Variants in NMNAT2 observed in about 807,000 individuals in gnomAD.
NMNAT2 encodes nicotinamide nucleotide adenylyltransferase 2.
NMNAT2 carries 11 observed loss-of-function variants against 41.6 expected under a neutral mutation model. That is an observed-to-expected ratio of 0.26 (90% CI 0.17 to 0.44). NMNAT2 has a LOEUF of 0.44. Ranked by LOEUF, NMNAT2 falls within the 20% of genes least tolerant of loss-of-function variation. NMNAT2 has a pLI of 1.00. For missense variants in NMNAT2, 288 were observed against 407.7 expected, an observed-to-expected ratio of 0.71 and a Z score of 2.53; for synonymous variants, 148 against 151.2, an observed-to-expected ratio of 0.98 and a Z score of 0.16.
At chr1:183,284,141 G>T (rs1025811526) in intron 6 of NMNAT2, 102 bp from the exon 7 acceptor site, 5 of 1,005,558 alleles carry the variant, frequency 5.0e-6, no homozygotes, top group Non-Finnish European at 5.9e-6. Context: ...GGGATGGGGT[G>T]GGGTGGGTGC....
intron 1 of NMNAT2, among the ~76,000 whole-genome samples, chr1:183,400,286 C>T (rs1199771531): frequency 6.6e-6 from 1 of 152,080 alleles, no homozygotes; most frequent in Non-Finnish European, 1.5e-5. Context: ...AACAAAGAGC[C>T]AAATCATGAG....
At chr1:183,347,723 G>GCTGTGC (rs1408237845) in intron 1 of NMNAT2, among the ~76,000 whole-genome samples, 2 of 152,156 alleles carry the variant, frequency 1.3e-5, no homozygotes, top group Non-Finnish European at 2.9e-5. Context: ...TGCAGTAACA[G>GCTGTGC]CTGTGCAGCA....
At chr1:183,337,926 C>G (rs1347277624) in intron 1 of NMNAT2, among the ~76,000 whole-genome samples, 1 of 152,146 alleles carries the variant, frequency 6.6e-6, no homozygotes, top group Non-Finnish European at 1.5e-5. Context: ...TGTGCATACA[C>G]TTGTCAGACT....
intron 1 of NMNAT2, chr1:183,304,578 C>T (rs899284912): frequency 2.2e-5 from 27 of 1,221,460 alleles, no homozygotes; most frequent in South Asian, 3.7e-5. Flanking sequence ...TGAGAAGCTC[C>T]GCTGGAGACA....
chr1:183,338,930 C>T (rs1323753344), intron 1 of NMNAT2, among the ~76,000 whole-genome samples: 1 of 151,994 alleles, frequency 6.6e-6, no homozygotes, highest in Non-Finnish European at 1.5e-5. Flanking sequence ...TGGCATGAAA[C>T]AGGGTGGGAA....
intron 8 of NMNAT2, among the ~76,000 whole-genome samples, chr1:183,276,932 T>C (rs902506990): frequency 6.6e-6 from 1 of 152,178 alleles, no homozygotes; most frequent in Non-Finnish European, 1.5e-5. Flanking sequence ...ACAGTATACC[T>C]TACTTCCCGG....
intron 1 of NMNAT2, among the ~76,000 whole-genome samples, chr1:183,368,011 G>C (rs1663450996): frequency 6.6e-6 from 1 of 151,996 alleles, no homozygotes; most frequent in African/African-American, 2.4e-5. Context: ...TAGTGATTTT[G>C]GTAGGTCTAT....
At chr1:183,398,353 A>G (rs1412077917) in intron 1 of NMNAT2, among the ~76,000 whole-genome samples, 1 of 152,220 alleles carries the variant, frequency 6.6e-6, no homozygotes, top group African/African-American at 2.4e-5. Context: ...TTCAACAAGA[A>G]AAGCTAACTA....
intron 8 of NMNAT2, among the ~76,000 whole-genome samples, chr1:183,263,950 C>A (rs968045642): frequency 1.3e-5 from 2 of 151,840 alleles, no homozygotes; most frequent in Non-Finnish European, 2.9e-5. Context: ...AATTAAAGCT[C>A]CGGGGAAATT....
intron 5 of NMNAT2, among the ~76,000 whole-genome samples, chr1:183,285,862 T>C (rs1000783627): frequency 1.3e-5 from 2 of 152,190 alleles, no homozygotes; most frequent in Non-Finnish European, 2.9e-5. Flanking sequence ...CACATAGTCC[T>C]AGGTTTGGGG....
intron 1 of NMNAT2, among the ~76,000 whole-genome samples, chr1:183,370,223 TACACACAC>T (rs57569629): frequency 0.03 from 3,385 of 112,756 alleles, 57 homozygotes; most frequent in African/African-American, 0.055. Flanking sequence ...TATCAACACA[TACACACAC>T]ACACACACAC....
chr1:183,376,406 C>A lies in NMNAT2; in HGVS notation c.85+41777G>T, dbSNP rs1467718486. ...CATGAGTGATGGCTGAGTGCTTGTGCTGGTCTATAAGTAAGCATCCATTGA... is the reference window on the plus strand; with the variant it reads ...CATGAGTGATGGCTGAGTGCTTGTGATGGTCTATAAGTAAGCATCCATTGA... On this transcript the variant is annotated intron_variant, in intron 1 of 10. Coordinates refer to ENST00000287713, the MANE Select transcript of NMNAT2 (RefSeq NM_015039.4). Among the ~76,000 whole-genome samples the A allele has an allele frequency of 1.1e-4, 17 of 152,084 alleles. No homozygotes were observed. The East Asian group carries it at 3.3e-3, about 29-fold the overall frequency.
chr1:183,396,521 T>C (rs1271745925), intron 1 of NMNAT2, among the ~76,000 whole-genome samples: 1 of 152,016 alleles, frequency 6.6e-6, no homozygotes, highest in African/African-American at 2.4e-5. Flanking sequence ...ATTTGACTGG[T>C]AAGGGAAGAA....
intron 1 of NMNAT2, among the ~76,000 whole-genome samples, chr1:183,311,975 C>T (rs578076732): frequency 6.6e-4 from 100 of 152,220 alleles, no homozygotes; most frequent in African/African-American, 1.2e-3. Flanking sequence ...CCTGCACAAG[C>T]GCTCTTTTTG....
intron 1 of NMNAT2, among the ~76,000 whole-genome samples, chr1:183,355,615 G>A (rs1663167221): frequency 6.6e-6 from 1 of 152,236 alleles, no homozygotes; most frequent in Non-Finnish European, 1.5e-5. Context: ...ATTGTGTTGA[G>A]TGAATGAATT....
intron 1 of NMNAT2, among the ~76,000 whole-genome samples, chr1:183,307,516 C>T (rs1248894747): frequency 6.6e-6 from 1 of 151,922 alleles, no homozygotes; most frequent in East Asian, 1.9e-4. Flanking sequence ...GATCTTGGCT[C>T]ACTGCAACCT....
chr1:183,364,190 A>G (rs559959967), intron 1 of NMNAT2, among the ~76,000 whole-genome samples: 70 of 152,356 alleles, frequency 4.6e-4, no homozygotes, highest in Middle Eastern at 6.8e-3. Context: ...GCTATGTACT[A>G]GGAACACGAA....
intron 7 of NMNAT2, among the ~76,000 whole-genome samples, chr1:183,279,743 C>T (rs1412188156): frequency 6.6e-6 from 1 of 152,220 alleles, no homozygotes; most frequent in Non-Finnish European, 1.5e-5. Context: ...GCCAGCATCT[C>T]ATGGTCCCAG....
intron 1 of NMNAT2, among the ~76,000 whole-genome samples, chr1:183,337,609 A>C (rs1442669756): frequency 6.6e-6 from 1 of 151,484 alleles, no homozygotes; most frequent in African/African-American, 2.4e-5. Flanking sequence ...TTTGAGAAGC[A>C]TCTGTAATTG....
Sources: gnomAD v4.1 joint callset for allele counts (sites outside exome capture counted in the v4.1 genomes callset) on GRCh38, gnomAD v4.1.1 for gene constraint, MANE v1.5 for transcripts, NCBI Gene and HGNC (gene_info 2026-07-23, HGNC 2026-07-21) for gene names.